The following HEATR5A variants were observed in gnomAD, a reference collection of about 807,000 sequenced individuals.
HEATR5A encodes HEAT repeat containing 5A.
HEATR5A carries 178 observed loss-of-function variants against 218.8 expected under a neutral mutation model. The ratio of observed to expected loss-of-function variants is 0.81; its 90% CI spans 0.72 to 0.92. HEATR5A has a LOEUF of 0.92. HEATR5A is among the 40% of genes least tolerant of loss of function. HEATR5A has a pLI of 0.00. For synonymous variants in HEATR5A, 864 were observed against 871.6 expected, an observed-to-expected ratio of 0.99 and a Z score of 0.15; for missense variants, 2,420 against 2,418.9, an observed-to-expected ratio of 1.00 and a Z score of -0.01.
chr14:31,364,071 C>T, intron 14 of HEATR5A, 118 bp downstream of exon 14: 1 of 543,790 alleles, frequency 1.8e-6, no homozygotes, highest in South Asian at 3.2e-5. Context: ...CTCCTAGAAA[C>T]AAGGCACTAA....
chr14:31,306,592 A>G, intron 31 of HEATR5A, 140 bp downstream of exon 31: 1 of 830,242 alleles, frequency 1.2e-6, no homozygotes, highest in Non-Finnish European at 1.7e-6. Context: ...AGAGCACAAA[A>G]AGTAAAATAA....
At chr14:31,315,603 T>C (rs1235109085) in intron 27 of HEATR5A, among the ~76,000 whole-genome samples, 167 bp downstream of exon 27, 6 of 152,248 alleles carry the variant, frequency 3.9e-5, no homozygotes, top group Non-Finnish European at 8.8e-5. Flanking sequence ...TTTAAAATGC[T>C]TGACTAACAT....
chr14:31,353,333 T>C (rs545338346), intron 16 of HEATR5A, among the ~76,000 whole-genome samples: 18 of 152,236 alleles, frequency 1.2e-4, no homozygotes, highest in Non-Finnish European at 1.5e-4. Flanking sequence ...TATTACTGAA[T>C]AGCTACTAGT....
chr14:31,388,808 T>C lies in HEATR5A; in HGVS notation c.933+37A>G, dbSNP rs202187511. The C allele has an allele frequency of 1.3e-3, 2,002 of 1,565,920 alleles. 2 individuals carry two copies. The highest frequency in any genetic ancestry group is 1.6e-3 in the Non-Finnish European group (1,838 of 1,136,374). ...TACTAAAACTTTCATTATAGGCCAG[T>C]AAGAGTTAGACTGAGATACTGATTT... On this transcript the variant is annotated intron_variant, in intron 7 of 35. Transcript: ENST00000543095.
intron 1 of HEATR5A, among the ~76,000 whole-genome samples, chr14:31,405,765 T>G (rs1369517761): frequency 1.3e-5 from 2 of 152,178 alleles, no homozygotes; most frequent in Non-Finnish European, 2.9e-5. Flanking sequence ...CAAATTACCC[T>G]TTCTAGAAAT....
In HEATR5A at chr14:31,387,315, A is replaced by G; in HGVS notation, c.994T>C (p.Phe332Leu). 6.2e-7 allele frequency: 1 copy of G among 1,613,956 alleles called. No individual in the cohort carries two copies. Reference sequence around the variant, plus strand: ...GCAAGGCTTAGGATATGAGAAAAAAAGGCAGCAAAATTTTTCTCTAGCCAA... The same window carrying G: ...GCAAGGCTTAGGATATGAGAAAAAAGGGCAGCAAAATTTTTCTCTAGCCAA... ...GAWLEKNFAA[F>L]FSHILSLASP... is the part of the protein sequence containing the mutation. The change falls in exon 8 of 36, where the codon TTT becomes CTT. Residue 332 changes from phenylalanine to leucine, a missense_variant. Coordinates refer to ENST00000543095, the MANE Select transcript of HEATR5A (RefSeq NM_015473.4).
At position 31,323,793 on chromosome 14, in the gene HEATR5A, C is replaced by T. The variant is rs372771548; in HGVS notation, c.3559G>A (p.Val1187Ile). 2 of 1,585,882 alleles carry T rather than the reference C, an allele frequency of 1.3e-6. No homozygotes were observed. Among genetic ancestry groups the T allele is most frequent in the Non-Finnish European group, 1.7e-6 (2 of 1,155,354 alleles). The change falls in exon 24 of 36, where the codon GTA becomes ATA. Residue 1187 changes from valine (V) to isoleucine (I), a missense_variant. Transcript: ENST00000543095. ...VLAASADFTA[V>I]TCVDTMQEEE... The stretch of plus-strand genomic sequence containing the variant: ...TCTTGCATTGTATCCACACAAGTTA[C>T]AGCTGTAAAATCTTTTATTAAAGGA...
chr14:31,322,106 T>C (rs1015208329), intron 24 of HEATR5A, among the ~76,000 whole-genome samples: 1 of 152,236 alleles, frequency 6.6e-6, no homozygotes, highest in African/African-American at 2.4e-5. Context: ...CGGCTCTTTC[T>C]ATGAACGACA....
At chr14:31,354,098 C>T (rs11622544) in intron 16 of HEATR5A, among the ~76,000 whole-genome samples, 63,859 of 151,014 alleles carry the variant, frequency 0.42, 14,070 homozygotes, top group Non-Finnish European at 0.5. Context: ...TGCGCCTGGC[C>T]GGCATTTTTT....
intron 29 of HEATR5A, among the ~76,000 whole-genome samples, chr14:31,308,498 ACT>A (rs1227467623): frequency 1.5e-5 from 2 of 129,994 alleles, no homozygotes; most frequent in Non-Finnish European, 3.3e-5. Context: ...CAAGAGCAAA[ACT>A]CTGTCTAAAA....
chr14:31,327,673 A>C (rs537385200), intron 22 of HEATR5A, among the ~76,000 whole-genome samples: 1 of 152,196 alleles, frequency 6.6e-6, no homozygotes, highest in Non-Finnish European at 1.5e-5. Context: ...TATTAACGTG[A>C]GAGTAAAGCT....
intron 13 of HEATR5A, among the ~76,000 whole-genome samples, chr14:31,367,042 GA>G (rs1233843749): frequency 1.3e-5 from 2 of 152,132 alleles, no homozygotes; most frequent in Non-Finnish European, 2.9e-5. Context: ...AGCACATAAG[GA>G]AGAGAGAAAC....
chr14:31,407,606 A>ATATATT (rs2031125447), intron 1 of HEATR5A, among the ~76,000 whole-genome samples: 5 of 1,404 alleles, frequency 3.6e-3, no homozygotes, highest in Admixed American at 0.023. Flanking sequence ...ATATATATAT[A>ATATATT]TATATATATA....
intron 17 of HEATR5A, 94 bp downstream of exon 17, chr14:31,350,518 A>T: frequency 1.5e-6 from 1 of 676,660 alleles, no homozygotes. Context: ...AGGAAAAAAG[A>T]GCATTTTAAA....
chr14:31,305,157 T>C lies in HEATR5A; in HGVS notation c.4987A>G (p.Lys1663Glu). The C allele has an allele frequency of 1.2e-6, 2 of 1,613,858 alleles. No homozygotes were observed. The highest frequency in any genetic ancestry group is 1.7e-6 in the Non-Finnish European group (2 of 1,179,856). ...TCTCCAAACTCTGGCAGAGTTTCCT[T>C]TTCAGCAGCCCCATCATCAACTAAA... Reference protein sequence around the residue: ...SAEVDDGAAEKETLPEFGEGK... With the variant: ...SAEVDDGAAEEETLPEFGEGK... The change falls in exon 32 of 36, where the codon AAG becomes GAG. Residue 1663 changes from lysine (K) to glutamate (E), a missense_variant. Coordinates refer to ENST00000543095, the MANE Select transcript of HEATR5A (RefSeq NM_015473.4).
At chr14:31,357,500 A>ATT (rs199910283) in intron 16 of HEATR5A, among the ~76,000 whole-genome samples, 2,882 of 152,326 alleles carry the variant, frequency 0.019, 65 homozygotes, top group African/African-American at 0.059. Context: ...TATTAGCCAC[A>ATT]ATAGCCTATG....
chr14:31,386,587 G>C lies in HEATR5A; in HGVS notation c.1190-12C>G. On this transcript the variant is annotated splice_polypyrimidine_tract_variant and intron_variant, in intron 8 of 35. Transcript: ENST00000543095. ...ACTCATTACGGCATCTGATAGAAATGCAAGAATTAACTATGCATAACCACT... is the reference window on the plus strand; with the variant it reads ...ACTCATTACGGCATCTGATAGAAATCCAAGAATTAACTATGCATAACCACT... 4 of 1,564,238 alleles carry C rather than the reference G, an allele frequency of 2.6e-6. No individual in the cohort carries two copies. Among genetic ancestry groups the C allele is most frequent in the Non-Finnish European group, 1.7e-6 (2 of 1,158,366 alleles).
chr14:31,336,213 C>CATATATATATAT (rs371848651), intron 22 of HEATR5A, among the ~76,000 whole-genome samples: 11 of 90,730 alleles, frequency 1.2e-4, no homozygotes, highest in East Asian at 3.7e-4. Context: ...TATATACATA[C>CATATATATATAT]ATACATATAT....
chr14:31,397,097 A>G (rs1375245929), intron 4 of HEATR5A, among the ~76,000 whole-genome samples: 1 of 152,210 alleles, frequency 6.6e-6, no homozygotes, highest in Non-Finnish European at 1.5e-5. Context: ...TGATCTGATG[A>G]GCAAATTTTC....
Sources: allele counts gnomAD v4.1 joint callset (sites outside exome capture counted in the v4.1 genomes callset), GRCh38; gene constraint gnomAD v4.1.1; transcripts MANE v1.5; gene names NCBI Gene and HGNC (gene_info 2026-07-23, HGNC 2026-07-21).